The following CNTN5 variants were observed in gnomAD, a reference collection of about 807,000 sequenced individuals.
CNTN5 encodes contactin 5.
In CNTN5, 77 loss-of-function variants were observed where a neutral mutation model predicts 129.1. The ratio of observed to expected loss-of-function variants is 0.60; its 90% CI spans 0.50 to 0.72. The LOEUF (loss-of-function observed/expected upper bound fraction) is 0.72. Ranked by LOEUF, CNTN5 falls within the 30% of genes least tolerant of loss-of-function variation. CNTN5 has a pLI of 0.00. For synonymous variants in CNTN5, 509 were observed against 465.6 expected (o/e 1.09, Z -1.20); for missense variants, 1,478 against 1,328.8 (o/e 1.11, Z -1.75).
chr11:99,111,449 C>T (rs960187314), intron 1 of CNTN5, among the ~76,000 whole-genome samples: 1 of 152,026 alleles, frequency 6.6e-6, no homozygotes, highest in Non-Finnish European at 1.5e-5. Context: ...TGTTTCCCCA[C>T]TTCTCCACAA....
Position 99,447,505 on chromosome 11 carries a change from C to T in CNTN5, c.-70-108640C>T, listed in dbSNP as rs1274130815. On this transcript the variant is annotated intron_variant, in intron 2 of 24. Transcript: ENST00000524871. The stretch of plus-strand genomic sequence containing the variant: ...ACTTCTAGATTTACTACTTAACAGC[C>T]ATACAACTTAATGAAGTTATAAAAA... Among the ~76,000 whole-genome samples the T allele has an allele frequency of 3.9e-5, 6 of 152,150 alleles. No individual in the cohort carries two copies. In the South Asian group the frequency reaches 6.2e-4, roughly 16 times the overall value.
At chr11:99,421,039 T>C (rs908462112) in intron 2 of CNTN5, among the ~76,000 whole-genome samples, 1 of 152,152 alleles carries the variant, frequency 6.6e-6, no homozygotes, top group African/African-American at 2.4e-5. Context: ...CTGGAAATTA[T>C]AATTGTGTCT....
intron 3 of CNTN5, among the ~76,000 whole-genome samples, chr11:99,581,790 C>A (rs1163498917): frequency 6.6e-6 from 1 of 152,198 alleles, no homozygotes; most frequent in Admixed American, 6.5e-5. Flanking sequence ...ATTTTCCAGT[C>A]TGTGCCTTTT....
intron 6 of CNTN5, among the ~76,000 whole-genome samples, chr11:99,909,737 C>T (rs1475775092): frequency 6.6e-6 from 1 of 151,702 alleles, no homozygotes; most frequent in Non-Finnish European, 1.5e-5. Flanking sequence ...CGCATGTTCT[C>T]ACTCATAGGT....
At chr11:100,071,571 A>G (rs1943924968) in intron 11 of CNTN5, 134 bp from the exon 12 acceptor site, 1 of 516,988 alleles carries the variant, frequency 1.9e-6, no homozygotes, top group Admixed American at 3.8e-5. Context: ...CAGTACATTT[A>G]CATTGCTAAG....
intron 2 of CNTN5, among the ~76,000 whole-genome samples, chr11:99,396,694 A>T (rs2136200628): frequency 6.6e-6 from 1 of 151,880 alleles, no homozygotes; most frequent in East Asian, 1.9e-4. Context: ...ATTTGTATTT[A>T]GCGGTACTAT....
rs1865255996 is a variant in CNTN5, at chr11:99,069,688, C to A, written c.-210+48418C>A. Among the ~76,000 whole-genome samples, 3 of 152,094 alleles carry A rather than the reference C, an allele frequency of 2.0e-5. No individual in the cohort carries two copies. The South Asian group carries it at 6.2e-4, about 31-fold the overall frequency. ...TAAATATTTGTTTTAGAATACAAAA[C>A]TTGATTAGTACTATTTTTAAAAAGA... On this transcript the variant is annotated intron_variant, in intron 1 of 24. Coordinates refer to ENST00000524871, the MANE Select transcript of CNTN5 (RefSeq NM_014361.4).
At chr11:100,287,015 GATGAAATGA>G (rs1565401339) in intron 18 of CNTN5, among the ~76,000 whole-genome samples, 3 of 152,028 alleles carry the variant, frequency 2.0e-5, no homozygotes, top group African/African-American at 7.3e-5. Context: ...AGCAATGGAA[GATGAAATGA>G]ATGAAATGAA....
intron 1 of CNTN5, among the ~76,000 whole-genome samples, chr11:99,300,652 G>T (rs1474744002): frequency 6.6e-6 from 1 of 151,908 alleles, no homozygotes; most frequent in Non-Finnish European, 1.5e-5. Context: ...AATAAGAGAG[G>T]AATTATGATA....
intron 6 of CNTN5, among the ~76,000 whole-genome samples, chr11:99,903,897 G>T (rs551236909): frequency 9.2e-5 from 14 of 152,096 alleles, no homozygotes; most frequent in African/African-American, 2.6e-4. Flanking sequence ...ACATGCAAAT[G>T]GGCACCAGAT....
intron 2 of CNTN5, among the ~76,000 whole-genome samples, chr11:99,363,707 G>A (rs1211723640): frequency 6.6e-6 from 1 of 152,024 alleles, no homozygotes; most frequent in Non-Finnish European, 1.5e-5. Flanking sequence ...AAATCCCATG[G>A]CCATGCTAAA....
At chr11:100,204,328 AT>A (rs1565340578) in intron 15 of CNTN5, among the ~76,000 whole-genome samples, 34 of 113,272 alleles carry the variant, frequency 3.0e-4, no homozygotes, top group Middle Eastern at 4.3e-3. Flanking sequence ...ATATATATAT[AT>A]ATATATATAT....
chr11:99,989,563 A>G (rs1938918754), intron 8 of CNTN5, among the ~76,000 whole-genome samples: 1 of 152,022 alleles, frequency 6.6e-6, no homozygotes, highest in Admixed American at 6.6e-5. Context: ...ATTGTAAAAA[A>G]CCACCCAAAA....
intron 1 of CNTN5, among the ~76,000 whole-genome samples, chr11:99,179,447 T>TA (rs1214955692): frequency 1.3e-5 from 2 of 151,430 alleles, no homozygotes; most frequent in Admixed American, 6.6e-5. Flanking sequence ...CTCTCAAAAG[T>TA]AAAAAATAAA....
At chr11:99,226,630 T>A (rs1161358635) in intron 1 of CNTN5, among the ~76,000 whole-genome samples, 1 of 152,168 alleles carries the variant, frequency 6.6e-6, no homozygotes, top group Non-Finnish European at 1.5e-5. Flanking sequence ...ATAAAACATA[T>A]GTAGTATCTT....
intron 2 of CNTN5, among the ~76,000 whole-genome samples, chr11:99,528,861 C>T (rs149233772): frequency 0.023 from 3,459 of 151,022 alleles, 107 homozygotes; most frequent in East Asian, 0.092. Context: ...GTCAGGAGTT[C>T]GAGAACAGCC....
At chr11:99,433,703 T>G (rs548464559) in intron 2 of CNTN5, among the ~76,000 whole-genome samples, 2 of 152,154 alleles carry the variant, frequency 1.3e-5, no homozygotes, top group Non-Finnish European at 2.9e-5. Context: ...CTTTTCTAAC[T>G]TGTACAATTC....
At chr11:99,986,475 G>C (rs1301878414) in intron 8 of CNTN5, among the ~76,000 whole-genome samples, 1 of 152,024 alleles carries the variant, frequency 6.6e-6, no homozygotes, top group African/African-American at 2.4e-5. Context: ...AACTGTTCTT[G>C]ACAGTTTTGT....
intron 9 of CNTN5, among the ~76,000 whole-genome samples, chr11:100,040,531 T>A (rs535074603): frequency 1.3e-5 from 2 of 152,338 alleles, no homozygotes; most frequent in South Asian, 2.1e-4. Flanking sequence ...CAGAGGTTAC[T>A]GCTGTCTTTT....
Sources: allele counts gnomAD v4.1 joint callset (sites outside exome capture counted in the v4.1 genomes callset), GRCh38; gene constraint gnomAD v4.1.1; transcripts MANE v1.5; gene names NCBI Gene and HGNC (gene_info 2026-07-23, HGNC 2026-07-21).